The following GLDN variants were observed in gnomAD, a reference collection of about 807,000 sequenced individuals.
GLDN encodes the protein collomin.
Under a neutral mutation model 56.5 loss-of-function variants are expected in GLDN, and 47 were observed. The ratio of observed to expected loss-of-function variants is 0.83; its 90% CI spans 0.66 to 1.06. The LOEUF is 1.06. Ranked by LOEUF, GLDN falls within the 50% of genes least tolerant of loss-of-function variation. GLDN has a pLI of 0.00. For synonymous variants in GLDN, 332 were observed against 278.8 expected (o/e 1.19, Z -1.90); for missense variants, 782 against 714.3 (o/e 1.09, Z -1.08).
Position 51,404,857 on chromosome 15 carries a change from A to G in GLDN, c.*103A>G, listed in dbSNP as rs566637251. ...TTTAACGTCAGCCAGATATTTAGAA[A>G]ATAACCTCAAAAGTGTTTATATGGT... On this transcript the variant is annotated 3_prime_UTR_variant, in exon 10 of 10. Coordinates refer to ENST00000335449, the MANE Select transcript of GLDN (RefSeq NM_181789.4). 3 of 688,934 alleles carry G rather than the reference A, an allele frequency of 4.4e-6. No homozygotes were observed. The East Asian group carries it at 7.4e-5, about 17-fold the overall frequency. 42.7% of individuals were successfully genotyped at this position (688,934 alleles called of 1,614,324 possible).
At chr15:51,385,860 G>A (rs879421249) in intron 4 of GLDN, among the ~76,000 whole-genome samples, 17 of 152,178 alleles carry the variant, frequency 1.1e-4, no homozygotes, top group Non-Finnish European at 2.1e-4. Flanking sequence ...AGATCAGAGA[G>A]GTAACCAGGC....
intron 1 of GLDN, among the ~76,000 whole-genome samples, chr15:51,367,665 T>G (rs2037433675): frequency 6.6e-6 from 1 of 152,214 alleles, no homozygotes; most frequent in South Asian, 2.1e-4. Flanking sequence ...ATCCCCATCC[T>G]AATCCACTTA....
downstream of GLDN, among the ~76,000 whole-genome samples, chr15:51,409,488 C>T (rs906055459): frequency 4.6e-5 from 7 of 152,004 alleles, no homozygotes; most frequent in Non-Finnish European, 4.4e-5. Flanking sequence ...CTTTCAGTCC[C>T]GCTACTGTTT....
chr15:51,403,056 G>A (rs914702462), intron 9 of GLDN, among the ~76,000 whole-genome samples: 1 of 152,218 alleles, frequency 6.6e-6, no homozygotes, highest in Admixed American at 6.5e-5. Context: ...CAGTTCTGCG[G>A]TGGATAACCC....
At chr15:51,381,910 A>C (rs1186705734) in intron 2 of GLDN, among the ~76,000 whole-genome samples, 1 of 151,958 alleles carries the variant, frequency 6.6e-6, no homozygotes, top group Non-Finnish European at 1.5e-5. Context: ...TCACAGCATC[A>C]TCCCCCTGCC....
intron 4 of GLDN, chr15:51,384,732 G>C (rs1016709470): frequency 6.6e-6 from 1 of 152,422 alleles, no homozygotes; most frequent in Non-Finnish European, 1.5e-5. Context: ...CTACTCAGGA[G>C]GCTCCTACGA....
intron 2 of GLDN, among the ~76,000 whole-genome samples, chr15:51,382,582 C>T (rs535910751): frequency 4.6e-5 from 7 of 151,568 alleles, no homozygotes; most frequent in East Asian, 1.9e-4. Flanking sequence ...AAAAATTAGC[C>T]GGGCGTGGTG....
intron 1 of GLDN, among the ~76,000 whole-genome samples, chr15:51,361,833 G>GA (rs1204154095): frequency 3.3e-5 from 5 of 152,182 alleles, no homozygotes; most frequent in African/African-American, 1.2e-4. Context: ...AGGAGGCTGA[G>GA]ATAGGAGATT....
intron 4 of GLDN, among the ~76,000 whole-genome samples, chr15:51,390,761 T>C (rs1183996814): frequency 6.6e-6 from 1 of 152,110 alleles, no homozygotes; most frequent in Non-Finnish European, 1.5e-5. Context: ...ACTGTTTGTT[T>C]TGAGTGGGCG....
rs771657829 is a variant in GLDN at position 51,341,667 on chromosome 15, G to T, written c.-18G>T. Reference sequence around the variant, plus strand: ...GCCGCAGGCTGCCAAGCCCTGCCCTGCCCAAGGCGCATAGAGCATGGCCCG... The same window carrying T: ...GCCGCAGGCTGCCAAGCCCTGCCCTTCCCAAGGCGCATAGAGCATGGCCCG... On this transcript the variant is annotated 5_prime_UTR_variant, in exon 1 of 10. Transcript: ENST00000335449. The T allele has an allele frequency of 1.4e-6, 2 of 1,386,344 alleles. No homozygotes were observed. Among genetic ancestry groups the T allele is most frequent in the Non-Finnish European group, 1.8e-6 (2 of 1,081,760 alleles). 85.9% of individuals were successfully genotyped at this position (1,386,344 alleles called of 1,614,324 possible).
chr15:51,377,485 G>A lies in GLDN; in HGVS notation c.400G>A (p.Gly134Ser). Residue 134 changes from glycine (G) to serine (S), a missense_variant, in exon 2 of 10, where the codon GGC becomes AGC. Coordinates refer to ENST00000335449, the MANE Select transcript of GLDN (RefSeq NM_181789.4). Reference protein sequence around the residue: ...VMVDLCNSTKGICLTGPSGPP... With the variant: ...VMVDLCNSTKSICLTGPSGPP... Reference sequence around the variant, plus strand: ...GGTGGACCTGTGCAACAGCACCAAGGGCATCTGCCTCACAGGTAGGCTGGC... The same window carrying A: ...GGTGGACCTGTGCAACAGCACCAAGAGCATCTGCCTCACAGGTAGGCTGGC... 6.2e-7 allele frequency: 1 copy of A among 1,613,954 alleles called. No individual in the cohort carries two copies. The highest frequency in any genetic ancestry group is 1.1e-5 in the South Asian group (1 of 91,060).
At chr15:51,354,570 G>C (rs1171877991) in intron 1 of GLDN, among the ~76,000 whole-genome samples, 3 of 152,192 alleles carry the variant, frequency 2.0e-5, no homozygotes. Context: ...CAAGGAGGGT[G>C]AATCATTCCA....
chr15:51,369,885 A>G (rs964585378), intron 1 of GLDN, among the ~76,000 whole-genome samples: 2 of 152,194 alleles, frequency 1.3e-5, no homozygotes, highest in African/African-American at 4.8e-5. Flanking sequence ...GGAGGCCGAC[A>G]CAGGAGGATT....
At chr15:51,408,593 G>T (rs2038429901), downstream of GLDN, among the ~76,000 whole-genome samples, 1 of 152,024 alleles carries the variant, frequency 6.6e-6, no homozygotes, top group African/African-American at 2.4e-5. Context: ...CAACGTGCAG[G>T]TTACGTATGT....
intron 1 of GLDN, among the ~76,000 whole-genome samples, chr15:51,366,688 T>A (rs905053662): frequency 1.3e-5 from 2 of 152,166 alleles, no homozygotes; most frequent in African/African-American, 4.8e-5. Context: ...TGACGCAGGA[T>A]TATTTGAGCC....
In GLDN at chr15:51,401,674, A is replaced by G. The variant is rs988847296; in HGVS notation, c.1109A>G (p.His370Arg). ...YTFIHLPYYFHGCGHVVYNNS... is the reference protein window; with the variant it reads ...YTFIHLPYYFRGCGHVVYNNS... ...TTCATCCACCTTCCATACTATTTCCATGGCTGTGGGCACGTTGTTTACAAC... is the reference window on the plus strand; with the variant it reads ...TTCATCCACCTTCCATACTATTTCCGTGGCTGTGGGCACGTTGTTTACAAC... Residue 370 changes from histidine to arginine, a missense_variant, in exon 9 of 10, where the codon CAT becomes CGT. By Grantham distance (29) the His-to-Arg change is conservative. Transcript: ENST00000335449. 6.2e-7 allele frequency: 1 copy of G among 1,614,102 alleles called. No homozygotes were observed. The highest frequency in any genetic ancestry group is 1.3e-5 in the African/African-American group (1 of 75,022).
chr15:51,375,119 T>C (rs1313694144), intron 1 of GLDN, among the ~76,000 whole-genome samples: 3 of 152,148 alleles, frequency 2.0e-5, no homozygotes, highest in Non-Finnish European at 2.9e-5. Context: ...TGACAAAAAG[T>C]AAATACAATA....
intron 1 of GLDN, among the ~76,000 whole-genome samples, chr15:51,344,083 G>A (rs77096669): frequency 0.074 from 11,212 of 152,184 alleles, 1,427 homozygotes; most frequent in African/African-American, 0.26. Context: ...AAGATTCTGC[G>A]TTTCTACCAA....
chr15:51,384,512 GAA>G (rs1373480652), intron 4 of GLDN: 1 of 155,260 alleles, frequency 6.4e-6, no homozygotes, highest in Non-Finnish European at 1.4e-5. Flanking sequence ...CACCACTGGA[GAA>G]AAGGCCCAGA....
Sources: gnomAD v4.1 joint callset for allele counts (sites outside exome capture counted in the v4.1 genomes callset) on GRCh38, gnomAD v4.1.1 for gene constraint, MANE v1.5 for transcripts, NCBI Gene and HGNC (gene_info 2026-07-23, HGNC 2026-07-21) for gene names.